CMIP: variants seen among roughly 807,000 people sequenced by gnomAD.
The protein encoded by CMIP is C-Maf-inducing protein.
In CMIP, 13 loss-of-function variants were observed where a neutral mutation model predicts 97.3. The ratio of observed to expected loss-of-function variants is 0.13; its 90% confidence interval spans 0.09 to 0.21. The LOEUF (loss-of-function observed/expected upper bound fraction) is 0.21. Ranked by LOEUF, CMIP falls within the 10% of genes least tolerant of loss-of-function variation. The pLI is 1.00. For missense variants in CMIP, 847 were observed against 1,024.9 expected, an observed-to-expected ratio of 0.83 and a Z score of 2.37; for synonymous variants, 538 against 436.3, an observed-to-expected ratio of 1.23 and a Z score of -2.91.
At chr16:81,653,947 GA>G (rs2092456149) in intron 4 of CMIP, among the ~76,000 whole-genome samples, 1 of 152,132 alleles carries the variant, frequency 6.6e-6, no homozygotes, top group Non-Finnish European at 1.5e-5. Flanking sequence ...CTTCACAGAT[GA>G]GGAAATTGAG....
chr16:81,646,750 T>A (rs1021688772), intron 3 of CMIP, among the ~76,000 whole-genome samples: 3 of 152,246 alleles, frequency 2.0e-5, no homozygotes, highest in Non-Finnish European at 4.4e-5. Flanking sequence ...TTATCTGGCT[T>A]CTTTCCCTTA....
chr16:81,572,120 G>C (rs992195971), intron 1 of CMIP, among the ~76,000 whole-genome samples: 1 of 152,208 alleles, frequency 6.6e-6, no homozygotes, highest in Admixed American at 6.5e-5. Context: ...GTCTCCCGGG[G>C]GCTCTTTTGC....
intron 1 of CMIP, among the ~76,000 whole-genome samples, chr16:81,525,353 G>T (rs2090110816): frequency 6.6e-6 from 1 of 151,866 alleles, no homozygotes; most frequent in African/African-American, 2.4e-5. Flanking sequence ...ATGTTGGCCA[G>T]GCTGGTCTTA....
chr16:81,483,896 G>A (rs1318575654), intron 1 of CMIP, among the ~76,000 whole-genome samples: 1 of 152,178 alleles, frequency 6.6e-6, no homozygotes, highest in African/African-American at 2.4e-5. Flanking sequence ...AAATTAAGGG[G>A]ATGGAATTGT....
At chr16:81,553,654 C>G (rs754637983) in intron 1 of CMIP, among the ~76,000 whole-genome samples, 1 of 152,226 alleles carries the variant, frequency 6.6e-6, no homozygotes, top group African/African-American at 2.4e-5. Context: ...GAAGGCTGGG[C>G]GTGCTCCGCC....
chr16:81,678,778 C>A, intron 10 of CMIP, 150 bp downstream of exon 10: 1 of 597,060 alleles, frequency 1.7e-6, no homozygotes, highest in East Asian at 2.8e-5. Context: ...CTGGTGTGTG[C>A]AAGAGTGTGC....
At chr16:81,455,831 C>G (rs1303742775) in intron 1 of CMIP, among the ~76,000 whole-genome samples, 1 of 152,192 alleles carries the variant, frequency 6.6e-6, no homozygotes, top group South Asian at 2.1e-4. Flanking sequence ...TGAACCTTCC[C>G]TTCAGGGAGG....
chr16:81,564,287 C>A (rs1047401259), intron 1 of CMIP, among the ~76,000 whole-genome samples: 2 of 152,168 alleles, frequency 1.3e-5, no homozygotes, highest in African/African-American at 4.8e-5. Flanking sequence ...TACTTCCAAC[C>A]CCACTTAAGG....
intron 1 of CMIP, among the ~76,000 whole-genome samples, chr16:81,535,833 A>G (rs2090332459): frequency 6.6e-6 from 1 of 152,174 alleles, no homozygotes; most frequent in Non-Finnish European, 1.5e-5. Flanking sequence ...ACAGTGATAG[A>G]AAGTTTTGCA....
At chr16:81,592,442 C>G (rs1295625505) in intron 1 of CMIP, among the ~76,000 whole-genome samples, 2 of 152,248 alleles carry the variant, frequency 1.3e-5, no homozygotes, top group East Asian at 1.9e-4. Context: ...AAGGCCACCT[C>G]TGGGCAGCCC....
intron 1 of CMIP, among the ~76,000 whole-genome samples, chr16:81,579,516 C>T (rs543598083): frequency 0.01 from 1,543 of 152,282 alleles, 21 homozygotes; most frequent in African/African-American, 0.034. Flanking sequence ...CTGCCAGGCC[C>T]TTTCTTGGTT....
At chr16:81,692,384 T>C (rs1906189998) in intron 11 of CMIP, among the ~76,000 whole-genome samples, 1 of 152,140 alleles carries the variant, frequency 6.6e-6, no homozygotes, top group South Asian at 2.1e-4. Flanking sequence ...CCATATTGAA[T>C]TGATCACTGG....
At chr16:81,482,441 G>A (rs1035130901) in intron 1 of CMIP, among the ~76,000 whole-genome samples, 1 of 152,194 alleles carries the variant, frequency 6.6e-6, no homozygotes, top group South Asian at 2.1e-4. Context: ...GGGCGCCTAA[G>A]TACCTGGAGG....
Position 81,627,600 on chromosome 16 carries a change from T to C in CMIP, c.477+6674T>C, listed in dbSNP as rs573590167. The stretch of plus-strand genomic sequence containing the variant: ...CCTCGAGACTGTCTCTGCCCGGCTC[T>C]GGCCACGGAGTGTCCCCTGTGTCCA... On this transcript the variant is annotated intron_variant, in intron 3 of 20. Coordinates refer to ENST00000537098, the MANE Select transcript of CMIP (RefSeq NM_198390.3). The surrounding 1 kb of genome is among the most constrained non-coding windows in gnomAD (Gnocchi z 4.6). Among the ~76,000 whole-genome samples, 57 of 151,922 alleles carry C rather than the reference T, an allele frequency of 3.8e-4. No homozygotes were observed. In the East Asian group the frequency reaches 8.2e-3, roughly 22 times the overall value.
At chr16:81,653,058 G>A (rs1221843675) in intron 4 of CMIP, among the ~76,000 whole-genome samples, 1 of 152,188 alleles carries the variant, frequency 6.6e-6, no homozygotes, top group Non-Finnish European at 1.5e-5. Context: ...GGCAGAAGGC[G>A]CTTCGGAAAT....
intron 20 of CMIP, 84 bp from the exon 21 acceptor site, chr16:81,709,662 C>G (rs1338618494): frequency 4.0e-6 from 6 of 1,498,754 alleles, no homozygotes; most frequent in Non-Finnish European, 1.8e-6. Context: ...GACCCCCAGC[C>G]GGCAATGCGG....
At chr16:81,568,037 G>GT (rs1189437596) in intron 1 of CMIP, among the ~76,000 whole-genome samples, 7 of 84,288 alleles carry the variant, frequency 8.3e-5, no homozygotes, top group South Asian at 4.9e-4. Flanking sequence ...GTGTGTGTGT[G>GT]TGTTTTTTTT....
intron 12 of CMIP, 119 bp from the exon 13 acceptor site, chr16:81,693,320 A>T: frequency 3.5e-6 from 5 of 1,436,398 alleles, no homozygotes; most frequent in Non-Finnish European, 4.8e-6. Context: ...CGTGTCCCTG[A>T]TCCACCGCCT....
At chr16:81,656,403 T>A (rs1431878639) in intron 4 of CMIP, among the ~76,000 whole-genome samples, 1 of 152,242 alleles carries the variant, frequency 6.6e-6, no homozygotes, top group African/African-American at 2.4e-5. Flanking sequence ...GAGGTCTCTT[T>A]ACAAGCAGCC....
Sources: allele counts gnomAD v4.1 joint callset (sites outside exome capture counted in the v4.1 genomes callset), GRCh38; gene constraint gnomAD v4.1.1; non-coding constraint Gnocchi (gnomAD v3.1); transcripts MANE v1.5; gene names NCBI Gene and HGNC (gene_info 2026-07-23, HGNC 2026-07-21).